The following COL5A1 variants were observed in gnomAD, a reference collection of about 807,000 sequenced individuals.
COL5A1 encodes the protein collagen type V alpha 1 chain, also known as collagen alpha-1(V) chain.
A neutral mutation model predicts 263.7 loss-of-function variants in COL5A1; 16 were observed. The observed-to-expected ratio is 0.06, with a 90% CI of 0.04 to 0.09. The LOEUF (loss-of-function observed/expected upper bound fraction) is 0.09, where lower values mean the gene tolerates loss of function less well. Among genes scored for constraint, COL5A1 ranks in the 10% least tolerant of loss-of-function variants. The pLI is 1.00. For synonymous variants in COL5A1, 1,012 were observed against 1,004.5 expected (o/e 1.01, Z -0.14); for missense variants, 2,036 against 2,540.5 (o/e 0.80, Z 4.27).
At chr9:134,819,958 C>T (rs537344180) in intron 57 of COL5A1, among the ~76,000 whole-genome samples, 158 bp from the exon 58 acceptor site, 99 of 152,224 alleles carry the variant, frequency 6.5e-4, no homozygotes, top group Non-Finnish European at 1.3e-3. Context: ...CGTTTCGTCA[C>T]CTGGCCCCTC....
chr9:134,826,683 GATGGGTGCGTGTGGCTGGTAT>G (rs1382877770), intron 63 of COL5A1, among the ~76,000 whole-genome samples: 1 of 142,174 alleles, frequency 7.0e-6, no homozygotes, highest in African/African-American at 2.9e-5. Context: ...ATGGGTGGTG[GATGGGTGCGTGTGGCTGGTAT>G]GTGGGGGTGT....
chr9:134,797,129 C>G (rs1004131283), intron 36 of COL5A1, among the ~76,000 whole-genome samples: 3 of 152,262 alleles, frequency 2.0e-5, no homozygotes, highest in Non-Finnish European at 4.4e-5. Flanking sequence ...CTGCCGGGCC[C>G]GCTGGCACTG....
At chr9:134,763,852 C>T (rs1176622593) in intron 20 of COL5A1, 115 bp downstream of exon 20, 29 of 1,068,444 alleles carry the variant, frequency 2.7e-5, no homozygotes, top group Middle Eastern at 2.7e-4. Context: ...AGAGAGAGCT[C>T]GACCTGAGAA....
At chr9:134,648,059 CT>C (rs1269080615) in intron 1 of COL5A1, among the ~76,000 whole-genome samples, 1 of 152,110 alleles carries the variant, frequency 6.6e-6, no homozygotes, top group Admixed American at 6.5e-5. Flanking sequence ...AGGGCACAAT[CT>C]AATCAGCCGC....
chr9:134,823,991 C>T (rs1194328491), intron 61 of COL5A1, among the ~76,000 whole-genome samples: 24 of 151,112 alleles, frequency 1.6e-4, no homozygotes, highest in Admixed American at 1.6e-3. Flanking sequence ...TATATGTGTA[C>T]ATGCATGTCT....
At chr9:134,727,202 T>C in intron 4 of COL5A1, 64 bp from the exon 5 acceptor site, 10 of 1,569,624 alleles carry the variant, frequency 6.4e-6, no homozygotes, top group Non-Finnish European at 8.7e-6. Flanking sequence ...TGGGGCTGTG[T>C]CTCCCAGGTC....
intron 2 of COL5A1, among the ~76,000 whole-genome samples, chr9:134,697,558 G>T (rs1199353431): frequency 6.6e-6 from 1 of 152,072 alleles, no homozygotes. Flanking sequence ...TGAGGGAGTG[G>T]ACTCAGATGG....
chr9:134,775,202 C>T (rs1837008182), intron 27 of COL5A1, among the ~76,000 whole-genome samples: 1 of 152,250 alleles, frequency 6.6e-6, no homozygotes, highest in South Asian at 2.1e-4. Flanking sequence ...CAGGACGGGA[C>T]ACGTCCTTTT....
At chr9:134,713,327 C>G (rs1332409850) in intron 4 of COL5A1, among the ~76,000 whole-genome samples, 1 of 152,234 alleles carries the variant, frequency 6.6e-6, no homozygotes, top group Admixed American at 6.5e-5. Flanking sequence ...CAGCCTGGCT[C>G]CTAACATAAC....
intron 1 of COL5A1, among the ~76,000 whole-genome samples, chr9:134,687,551 T>C (rs1833124063): frequency 6.6e-6 from 1 of 152,144 alleles, no homozygotes; most frequent in Non-Finnish European, 1.5e-5. Flanking sequence ...GAGGGTTCCA[T>C]GGAATCAACA....
rs868140172 is a variant in COL5A1 at position 134,794,486 on chromosome 9, T to C, written c.2701-596T>C. ...TGACATCTTTGCACTGCATTTGTTT[T>C]CTGTGGTTTGGAAAATGCAAAACAA... On this transcript the variant is annotated intron_variant, in intron 32 of 65. Coordinates refer to ENST00000371817, the MANE Select transcript of COL5A1 (RefSeq NM_000093.5). The surrounding 1 kb of genome is among the most constrained non-coding windows in gnomAD (Gnocchi z 4.3). 2.6e-5 allele frequency among the ~76,000 whole-genome samples: 4 copies of C among 152,240 alleles called. No individual in the cohort carries two copies. Among genetic ancestry groups the C allele is most frequent in the Admixed American group, 2.0e-4 (3 of 15,306 alleles).
intron 32 of COL5A1, among the ~76,000 whole-genome samples, chr9:134,791,066 A>G (rs1041077393): frequency 2.0e-5 from 3 of 152,190 alleles, no homozygotes; most frequent in Non-Finnish European, 4.4e-5. Context: ...AGGAGCTTAG[A>G]TGGATGCTCC....
intron 18 of COL5A1, among the ~76,000 whole-genome samples, chr9:134,760,327 A>C (rs1588515781): frequency 1.4e-5 from 1 of 73,114 alleles, no homozygotes; most frequent in Non-Finnish European, 2.4e-5. Context: ...TGCACACACC[A>C]CACATGCACA....
intron 34 of COL5A1, 35 bp from the exon 35 acceptor site, chr9:134,796,339 T>C (rs375073172): frequency 6.2e-7 from 1 of 1,609,360 alleles, no homozygotes; most frequent in Non-Finnish European, 8.5e-7. Flanking sequence ...ATAATAACAA[T>C]CATAAGCTTT....
Position 134,809,170 on chromosome 9 carries a change from C to T in COL5A1, c.3367-13C>T. 6.4e-7 allele frequency: 1 copy of T among 1,562,152 alleles called. No individual in the cohort carries two copies. Among genetic ancestry groups the T allele is most frequent in the Non-Finnish European group, 8.7e-7 (1 of 1,151,696 alleles). On this transcript the variant is annotated splice_polypyrimidine_tract_variant and intron_variant, in intron 42 of 65. Transcript: ENST00000371817. ...GGAGCCACGTTTGACCTGAGATCTTCTGTATTCTCTAGGGCGAGAAAGGCC... is the reference window on the plus strand; with the variant it reads ...GGAGCCACGTTTGACCTGAGATCTTTTGTATTCTCTAGGGCGAGAAAGGCC...
At position 134,774,969 on chromosome 9, in the gene COL5A1, G is replaced by A. The variant is rs1246493057; in HGVS notation, c.2385+57G>A. 9 of 1,518,416 alleles carry A rather than the reference G, an allele frequency of 5.9e-6. No individual in the cohort carries two copies. The Admixed American group carries it at 7.1e-5, about 12-fold the overall frequency. The allele number at this position is 1,518,416 out of a possible 1,614,324, so 94.1% of individuals were successfully genotyped here. A position where few individuals can be genotyped will look rare whatever the true frequency, so the allele number is the denominator to read the frequency against. The stretch of plus-strand genomic sequence containing the variant: ...CTGGAGGTCAGGGTTGGGACTGTGG[G>A]CCTTGGCGTGGCTGGTTTTAGGGAA... On this transcript the variant is annotated intron_variant, in intron 27 of 65. Coordinates refer to ENST00000371817, the MANE Select transcript of COL5A1 (RefSeq NM_000093.5).
At chr9:134,778,526 G>A (rs1298491607) in intron 27 of COL5A1, among the ~76,000 whole-genome samples, 2 of 152,238 alleles carry the variant, frequency 1.3e-5, no homozygotes, top group Non-Finnish European at 2.9e-5. Flanking sequence ...GGCTTGTTTG[G>A]AGTCGGCCTC....
chr9:134,797,993 T>C (rs1837974595), intron 36 of COL5A1, among the ~76,000 whole-genome samples: 1 of 152,234 alleles, frequency 6.6e-6, no homozygotes, highest in Non-Finnish European at 1.5e-5. Flanking sequence ...TCCTCCAGTA[T>C]GGACAACCAT....
rs565344029 is a variant in COL5A1, at chr9:134,842,394, A to G, written c.*91A>G. On this transcript the variant is annotated 3_prime_UTR_variant, in exon 66 of 66. Coordinates refer to ENST00000371817, the MANE Select transcript of COL5A1 (RefSeq NM_000093.5). The surrounding 1 kb of genome is among the most constrained non-coding windows in gnomAD (Gnocchi z 5.8). Reference sequence around the variant, plus strand: ...TCCCGTGCACGTCCTGACCCTGGACAGTGAAGGCTTCTCCCTCCCCTCCCA... The same window carrying G: ...TCCCGTGCACGTCCTGACCCTGGACGGTGAAGGCTTCTCCCTCCCCTCCCA... 1 of 1,469,642 alleles carries G rather than the reference A, an allele frequency of 6.8e-7. No homozygotes were observed. Among genetic ancestry groups the G allele is most frequent in the Non-Finnish European group, 9.3e-7 (1 of 1,070,130 alleles). 91.0% of individuals were successfully genotyped at this position (1,469,642 alleles called of 1,614,324 possible).
Sources: allele counts gnomAD v4.1 joint callset (sites outside exome capture counted in the v4.1 genomes callset), GRCh38; gene constraint gnomAD v4.1.1; non-coding constraint Gnocchi (gnomAD v3.1); transcripts MANE v1.5; gene names NCBI Gene and HGNC (gene_info 2026-07-23, HGNC 2026-07-21).